Variants in GLYATL2 observed in about 807,000 individuals in gnomAD.
The protein encoded by GLYATL2 is glycine-N-acyltransferase like 2, also known as glycine N-acyltransferase-like protein 2.
Under a neutral mutation model 21.4 loss-of-function variants are expected in GLYATL2, and 25 were observed. The observed-to-expected ratio is 1.17, with a 90% CI of 0.85 to 1.63. The LOEUF is 1.63. Among genes scored for constraint, GLYATL2 ranks in the 40% most tolerant of loss-of-function variants. GLYATL2 has a pLI of 0.00. For missense variants in GLYATL2, 361 were observed against 343.3 expected (o/e 1.05, Z -0.41); for synonymous variants, 114 against 118.2 (o/e 0.96, Z 0.23).
At chr11:58,866,738 A>T (rs1451098990) in intron 1 of GLYATL2, among the ~76,000 whole-genome samples, 3 of 149,222 alleles carry the variant, frequency 2.0e-5, no homozygotes, top group Non-Finnish European at 4.5e-5. Context: ...GTACTACTAC[A>T]CAGAAGAGGT....
intron 1 of GLYATL2, among the ~76,000 whole-genome samples, chr11:58,856,353 C>T (rs1475522375): frequency 6.6e-6 from 1 of 152,132 alleles, no homozygotes; most frequent in Non-Finnish European, 1.5e-5. Context: ...TTCAAAACAG[C>T]AATAAGGCCA....
chr11:58,834,729 G>T lies in GLYATL2; in HGVS notation c.585C>A (p.Cys195Ter). The stretch of plus-strand genomic sequence containing the variant: ...CACCAAATCCTAGAAAATCCTGGAG[G>T]CAGCGTTCAATATATTTCAAGCTCC... ...NERSLKYIER[C>*]LQDFLGFGVL... Residue 195 changes from cysteine (C) to a stop codon, truncating the protein, a stop_gained, in exon 6 of 6, where the codon TGC becomes TGA. Coordinates refer to ENST00000287275, the MANE Select transcript of GLYATL2 (RefSeq NM_145016.4). LOFTEE classifies it low-confidence loss of function (END_TRUNC). The T allele has an allele frequency of 6.2e-7, 1 of 1,613,808 alleles. No homozygotes were observed. The highest frequency in any genetic ancestry group is 8.5e-7 in the Non-Finnish European group (1 of 1,179,984).
intron 1 of GLYATL2, among the ~76,000 whole-genome samples, chr11:58,842,744 C>T (rs1377226812): frequency 1.3e-5 from 2 of 152,040 alleles, no homozygotes; most frequent in Admixed American, 1.3e-4. Flanking sequence ...TGCCAAAGGA[C>T]TCAGTGAGGC....
intron 1 of GLYATL2, among the ~76,000 whole-genome samples, chr11:58,878,956 T>C (rs1047506677): frequency 6.6e-6 from 1 of 152,208 alleles, no homozygotes; most frequent in Non-Finnish European, 1.5e-5. Flanking sequence ...GGGTGTCAAC[T>C]GTTATTCTCT....
At chr11:58,899,544 C>T (rs568942295) in intron 1 of GLYATL2, among the ~76,000 whole-genome samples, 2 of 152,046 alleles carry the variant, frequency 1.3e-5, no homozygotes, top group African/African-American at 4.8e-5. Context: ...GCCTCAGATA[C>T]GAGCAGACAA....
At chr11:58,868,572 T>G (rs1353979327) in intron 1 of GLYATL2, among the ~76,000 whole-genome samples, 2 of 149,040 alleles carry the variant, frequency 1.3e-5, no homozygotes, top group Non-Finnish European at 3.0e-5. Context: ...TATTGATTGG[T>G]TTTCTGTGCA....
At chr11:58,862,438 A>G (rs1853948832) in intron 1 of GLYATL2, among the ~76,000 whole-genome samples, 1 of 152,152 alleles carries the variant, frequency 6.6e-6, no homozygotes, top group Non-Finnish European at 1.5e-5. Context: ...CACACATGAT[A>G]TGTACATTGG....
At position 58,897,338 on chromosome 11, in the gene GLYATL2, G is replaced by A. The variant is rs534292856; in HGVS notation, n.60+6818C>T. ...AAATCAAGCCTTGCCATGCCACCAT[G>A]AGAAGGGTAACCTGCATGCCCAGGG... is the stretch of plus-strand genomic sequence containing the variant. On this transcript the variant is annotated intron_variant and non_coding_transcript_variant, in intron 1 of 4. Transcript: ENST00000533636. Among the ~76,000 whole-genome samples, 12 of 152,312 alleles carry A rather than the reference G, an allele frequency of 7.9e-5. No homozygotes were observed. In the South Asian group the frequency reaches 1.7e-3, roughly 21 times the overall value.
intron 1 of GLYATL2, chr11:58,885,388 C>A: frequency 2.7e-6 from 1 of 365,990 alleles, no homozygotes; most frequent in Non-Finnish European, 5.4e-6. Context: ...AGATCCCCAT[C>A]TCTAGGGATC....
intron 1 of GLYATL2, among the ~76,000 whole-genome samples, chr11:58,853,942 G>GTC (rs1339194686): frequency 5.3e-5 from 8 of 152,036 alleles, no homozygotes; most frequent in Admixed American, 4.6e-4. Context: ...TGTATCCTGT[G>GTC]ACCATCTCCC....
chr11:58,861,367 G>T (rs1162311318), intron 1 of GLYATL2, among the ~76,000 whole-genome samples: 4 of 151,592 alleles, frequency 2.6e-5, no homozygotes, highest in Admixed American at 6.6e-5. Context: ...CAATTTGTTG[G>T]CATATAATTG....
At chr11:58,907,893 C>G (rs970616219), upstream of GLYATL2, 1 of 154,390 alleles carries the variant, frequency 6.5e-6, no homozygotes, top group Non-Finnish European at 1.4e-5. Flanking sequence ...TGAGTAGTCT[C>G]CCTGATACTT....
intron 1 of GLYATL2, among the ~76,000 whole-genome samples, chr11:58,865,736 G>GCAT (rs1854012898): frequency 6.8e-6 from 1 of 148,120 alleles, no homozygotes; most frequent in East Asian, 2.3e-4. Flanking sequence ...AAGGAAGAAG[G>GCAT]CAGGTGTCTT....
intron 2 of GLYATL2, 81 bp from the exon 3 acceptor site, chr11:58,838,449 A>G (rs10896850): frequency 0.99 from 851,460 of 861,394 alleles, 421,475 homozygotes; most frequent in East Asian, 1. Flanking sequence ...ATAAGACATG[A>G]CATGAGAAAT....
chr11:58,844,603 A>G lies in GLYATL2; in HGVS notation c.-210T>C, dbSNP rs1257035871. 1.3e-5 allele frequency: 2 copies of G among 152,326 alleles called. No homozygotes were observed. Among genetic ancestry groups the G allele is most frequent in the East Asian group, 3.9e-4 (2 of 5,182 alleles). The allele number at this position is 152,326 out of a possible 1,614,324, so 9.4% of individuals were successfully genotyped here. A position where few individuals can be genotyped will look rare whatever the true frequency, so the allele number is the denominator to read the frequency against. ...TTCAGGAAGTTATGGGTTCCTGTAG[A>G]TTAAACCAGACGTTCTGTCCATAGA... On this transcript the variant is annotated 5_prime_UTR_variant, in exon 1 of 6. Coordinates refer to ENST00000287275, the MANE Select transcript of GLYATL2 (RefSeq NM_145016.4).
At chr11:58,854,114 G>A (rs1348849612) in intron 1 of GLYATL2, among the ~76,000 whole-genome samples, 1 of 152,188 alleles carries the variant, frequency 6.6e-6, no homozygotes, top group Non-Finnish European at 1.5e-5. Context: ...GTTCATCTAT[G>A]TGGTTTCAAA....
At chr11:58,896,321 C>T (rs1854634626) in intron 1 of GLYATL2, among the ~76,000 whole-genome samples, 1 of 152,172 alleles carries the variant, frequency 6.6e-6, no homozygotes, top group Admixed American at 6.5e-5. Context: ...AAATCAGACA[C>T]TGCCTCCTCA....
At chr11:58,876,835 A>T (rs1255102723) in intron 1 of GLYATL2, among the ~76,000 whole-genome samples, 1 of 152,236 alleles carries the variant, frequency 6.6e-6, no homozygotes, top group Non-Finnish European at 1.5e-5. Flanking sequence ...AGGACATTTA[A>T]GTCTGCAGAG....
intron 1 of GLYATL2, 110 bp downstream of exon 1, chr11:58,844,324 G>A (rs1211164619): frequency 1.3e-5 from 2 of 152,266 alleles, no homozygotes; most frequent in Non-Finnish European, 1.5e-5. Context: ...CTCTTTCCAA[G>A]GGTTTGCAGG....
Sources: gnomAD v4.1 joint callset for allele counts (sites outside exome capture counted in the v4.1 genomes callset) on GRCh38, gnomAD v4.1.1 for gene constraint, MANE v1.5 for transcripts, NCBI Gene and HGNC (gene_info 2026-07-23, HGNC 2026-07-21) for gene names.